PIN4: variants seen among roughly 807,000 people sequenced by gnomAD.
The protein encoded by PIN4 is peptidyl-prolyl cis-trans isomerase NIMA-interacting 4.
PIN4 carries 3 observed loss-of-function variants against 8.3 expected under a neutral mutation model. The ratio of observed to expected loss-of-function variants is 0.36; its 90% confidence interval spans 0.16 to 0.93. PIN4 has a LOEUF of 0.93. PIN4 is among the 40% of genes least tolerant of loss of function. PIN4 has a pLI of 0.44. For missense variants in PIN4, 75 were observed against 100.6 expected, an observed-to-expected ratio of 0.75 and a Z score of 1.09; for synonymous variants, 18 against 32.5, an observed-to-expected ratio of 0.55 and a Z score of 1.52.
At position 72,226,697 on chromosome X, in the gene PIN4, C is replaced by G. The variant is rs974328027; in HGVS notation, c.312+29793C>G. Reference sequence around the variant, plus strand: ...GAGTATTGGGCAAAACAAGCCTCAACCAACCATCCAATCCCCCAATACCTA... The same window carrying G: ...GAGTATTGGGCAAAACAAGCCTCAAGCAACCATCCAATCCCCCAATACCTA... On this transcript the variant is annotated intron_variant, in intron 3 of 3. Coordinates refer to the PIN4 transcript ENST00000423432. Among the ~76,000 whole-genome samples the G allele has an allele frequency of 2.7e-5, 3 of 111,672 alleles. No homozygotes were observed. In the Admixed American group the frequency reaches 2.9e-4, roughly 11 times the overall value.
intron 2 of PIN4, among the ~76,000 whole-genome samples, chrX:72,190,092 C>T (rs2042724172): frequency 9.0e-6 from 1 of 110,925 alleles, no homozygotes; most frequent in African/African-American, 3.3e-5. Context: ...CACAGACCCC[C>T]AAGCCCTCAA....
chrX:72,256,780 G>C (rs1464598068), intron 3 of PIN4, among the ~76,000 whole-genome samples: 1 of 111,984 alleles, frequency 8.9e-6, no homozygotes, highest in Non-Finnish European at 1.9e-5. Context: ...TTTGAATGAA[G>C]ACCTGAAACA....
intron 3 of PIN4, among the ~76,000 whole-genome samples, chrX:72,255,302 ATAG>A (rs1357012577): frequency 3.8e-5 from 4 of 106,210 alleles, no homozygotes; most frequent in African/African-American, 1.4e-4. Context: ...AATAATAATA[ATAG>A]TAATAATAAT....
Position 72,211,890 on chromosome X carries a change from C to T in PIN4, c.312+14986C>T, listed in dbSNP as rs7058375. 5.4e-3 allele frequency among the ~76,000 whole-genome samples: 607 copies of T among 112,232 alleles called. 2 individuals carry two copies. The highest frequency in any genetic ancestry group is 0.019 in the African/African-American group (583 of 30,953). ...CCTGTTACCTGGAAAGCTACACTTT[C>T]GCTGGCAAAACTGCCCAGTTGCTAA... On this transcript the variant is annotated intron_variant, in intron 3 of 3. Transcript: ENST00000423432.
At chrX:72,213,807 T>G (rs974205579) in intron 3 of PIN4, among the ~76,000 whole-genome samples, 1 of 111,733 alleles carries the variant, frequency 8.9e-6, no homozygotes, top group Admixed American at 9.5e-5. Flanking sequence ...CAAGGTTCCA[T>G]TCCTTGGAAT....
chrX:72,244,847 G>A (rs1220389649), intron 3 of PIN4, among the ~76,000 whole-genome samples: 6 of 109,016 alleles, frequency 5.5e-5, no homozygotes, highest in African/African-American at 1.3e-4. Context: ...TTGGGAGGCC[G>A]AGGTGGGAGG....
intron 3 of PIN4, among the ~76,000 whole-genome samples, chrX:72,260,840 A>G (rs1302016861): frequency 8.9e-6 from 1 of 111,815 alleles, no homozygotes; most frequent in Admixed American, 9.6e-5. Context: ...TACAAATTGC[A>G]TGAAACCAAT....
intron 3 of PIN4, among the ~76,000 whole-genome samples, chrX:72,231,477 T>A (rs1323634538): frequency 9.0e-6 from 1 of 111,335 alleles, no homozygotes; most frequent in East Asian, 2.8e-4. Flanking sequence ...GAGGAATAGG[T>A]TCTAGTGATC....
At chrX:72,263,132 G>A (rs2043146010) in exon 4 of PIN4, 1 of 145,912 alleles carries the variant, frequency 6.9e-6, no homozygotes. Context: ...GTCTCCTGGG[G>A]GAGACAGCCA....
chrX:72,232,020 G>A (rs988678199), intron 3 of PIN4, among the ~76,000 whole-genome samples: 9 of 108,526 alleles, frequency 8.3e-5, no homozygotes, highest in Non-Finnish European at 1.3e-4. Context: ...TCAAGATTAC[G>A]GTGAACTATG....
intron 3 of PIN4, among the ~76,000 whole-genome samples, chrX:72,242,992 G>A (rs1399630707): frequency 3.8e-5 from 4 of 105,345 alleles, no homozygotes; most frequent in South Asian, 4.3e-4. Context: ...CAGTCTGGGC[G>A]ACAGAGGGTG....
rs148776268 is a variant in PIN4, at chrX:72,252,217, C to T, written c.313-10490C>T. 4.6e-3 allele frequency among the ~76,000 whole-genome samples: 504 copies of T among 110,599 alleles called. 2 individuals are homozygous for T. Among genetic ancestry groups the T allele is most frequent in the African/African-American group, 0.015 (465 of 30,428 alleles). ...AGGCTGGAATACAGTGGCACAATCA[C>T]GGTTCACTGTAGCCTCAACCTCCTG... On this transcript the variant is annotated intron_variant, in intron 3 of 3. Coordinates refer to the PIN4 transcript ENST00000423432.
At chrX:72,189,181 A>G (rs1176893503) in intron 2 of PIN4, among the ~76,000 whole-genome samples, 1 of 111,269 alleles carries the variant, frequency 9.0e-6, no homozygotes. Flanking sequence ...AGAAAAAAAG[A>G]AAAAGGAAAA....
chrX:72,240,178 T>G (rs935376798), intron 3 of PIN4, among the ~76,000 whole-genome samples: 1 of 110,060 alleles, frequency 9.1e-6, no homozygotes, highest in Non-Finnish European at 1.9e-5. Context: ...AAAAATAATT[T>G]AAAAAAAAAG....
chrX:72,181,808 G>T lies in PIN4; in HGVS notation c.23G>T (p.Gly8Val). 1 of 1,176,142 alleles carries T rather than the reference G, an allele frequency of 8.5e-7. No individual in the cohort carries two copies. Among genetic ancestry groups the T allele is most frequent in the Admixed American group, 2.2e-5 (1 of 45,394 alleles). The stretch of plus-strand genomic sequence containing the variant: ...AAGATGCCGCCCAAAGGAAAAAGTG[G>T]TTCTGGAAAAGCGGGGAAAGGTAGA... MPPKGKS[G>V]SGKAGKGGAA... The change falls in exon 1 of 4, where the codon GGT becomes GTT. Residue 8 changes from glycine (G) to valine (V), a missense_variant. Transcript: ENST00000373669.
At position 72,253,651 on chromosome X, in the gene PIN4, CA is replaced by C. The variant is rs201535532; in HGVS notation, c.313-9054del. 4.6e-3 allele frequency among the ~76,000 whole-genome samples: 500 copies of C among 108,046 alleles called. 2 individuals are homozygous for C. The highest frequency in any genetic ancestry group is 0.016 in the African/African-American group (461 of 29,624). 93.8% of individuals were successfully genotyped at this position (108,046 alleles called of 115,157 possible). A position where few individuals can be genotyped will look rare whatever the true frequency, so the allele number is the denominator to read the frequency against. ...AAAAAAGAAAAAGAAAAAAGAAAAT[CA>C]ACGCGGGGCGTGGTGGCTCATACTG... On this transcript the variant is annotated intron_variant, in intron 3 of 3. Coordinates refer to the PIN4 transcript ENST00000423432.
intron 2 of PIN4, among the ~76,000 whole-genome samples, chrX:72,190,472 GGAAAAGAAAA>G (rs747162656): frequency 9.0e-6 from 1 of 110,581 alleles, no homozygotes; most frequent in African/African-American, 3.3e-5. Context: ...AAGAAAGGAA[GGAAAAGAAAA>G]GAAAAGAAAA....
At chrX:72,232,273 TAA>T (rs56070381) in intron 3 of PIN4, among the ~76,000 whole-genome samples, 5,352 of 61,245 alleles carry the variant, frequency 0.087, 379 homozygotes, top group East Asian at 0.41. Flanking sequence ...GAAGGAGTAT[TAA>T]AAAAAAAAAA....
chrX:72,262,236 C>T (rs1468270680), intron 3 of PIN4, among the ~76,000 whole-genome samples: 2 of 112,477 alleles, frequency 1.8e-5, no homozygotes, highest in Non-Finnish European at 3.7e-5. Flanking sequence ...CTGCTGAGCA[C>T]GTGGTTGTGG....
Sources: allele counts gnomAD v4.1 joint callset (sites outside exome capture counted in the v4.1 genomes callset), GRCh38; gene constraint gnomAD v4.1.1; transcripts MANE v1.5; gene names NCBI Gene and HGNC (gene_info 2026-07-23, HGNC 2026-07-21).